Variants in CACNA2D3 observed in about 807,000 individuals in gnomAD.
The protein encoded by CACNA2D3 is voltage-dependent calcium channel subunit alpha-2/delta-3.
CACNA2D3 carries 60 observed loss-of-function variants against 160.6 expected under a neutral mutation model. The observed-to-expected ratio is 0.37, with a 90% confidence interval of 0.30 to 0.46. CACNA2D3 has a LOEUF of 0.46. Among genes scored for constraint, CACNA2D3 ranks in the 20% least tolerant of loss-of-function variants. CACNA2D3 has a pLI of 1.00. For missense variants in CACNA2D3, 1,205 were observed against 1,365.0 expected, an observed-to-expected ratio of 0.88 and a Z score of 1.85; for synonymous variants, 558 against 492.9, an observed-to-expected ratio of 1.13 and a Z score of -1.75.
At chr3:54,257,329 T>C (rs1702315830) in intron 2 of CACNA2D3, among the ~76,000 whole-genome samples, 1 of 152,244 alleles carries the variant, frequency 6.6e-6, no homozygotes, top group African/African-American at 2.4e-5. Context: ...CAACTTACTA[T>C]TGAGGCCAGG....
At chr3:54,723,647 G>A (rs748052847) in intron 11 of CACNA2D3, among the ~76,000 whole-genome samples, 17 of 152,156 alleles carry the variant, frequency 1.1e-4, no homozygotes, top group Admixed American at 2.0e-4. Context: ...AAAATTCTCT[G>A]ACGCCTTGCA....
At position 54,167,499 on chromosome 3, in the gene CACNA2D3, A is replaced by G. The variant is rs542215560; in HGVS notation, c.204+43905A>G. ...TAATGACTAAGCTCAGGTTTGGGAG[A>G]TAATGTGTCCAACTTGACCAGCTCC... On this transcript the variant is annotated intron_variant, in intron 2 of 37. Transcript: ENST00000474759. 9.0e-4 allele frequency among the ~76,000 whole-genome samples: 137 copies of G among 152,298 alleles called. 1 individual carries two copies. Among genetic ancestry groups the G allele is most frequent in the Non-Finnish European group, 7.9e-4 (54 of 68,032 alleles).
At chr3:54,871,018 G>A (rs561380125) in intron 17 of CACNA2D3, among the ~76,000 whole-genome samples, 11 of 147,986 alleles carry the variant, frequency 7.4e-5, no homozygotes, top group African/African-American at 2.5e-4. Flanking sequence ...CTCGTATCAC[G>A]GACTGAGTTT....
intron 2 of CACNA2D3, among the ~76,000 whole-genome samples, chr3:54,223,343 C>T (rs931001894): frequency 3.9e-5 from 6 of 151,932 alleles, no homozygotes; most frequent in East Asian, 1.9e-4. Context: ...AGTTGTAACA[C>T]GATGATAAGT....
intron 31 of CACNA2D3, among the ~76,000 whole-genome samples, chr3:54,994,294 G>T (rs572269490): frequency 2.0e-4 from 31 of 152,188 alleles, no homozygotes; most frequent in African/African-American, 7.5e-4. Flanking sequence ...GGAGAATTCT[G>T]TTATGTTTGG....
chr3:54,443,592 A>G (rs952435764), intron 4 of CACNA2D3, among the ~76,000 whole-genome samples: 10 of 152,110 alleles, frequency 6.6e-5, no homozygotes, highest in African/African-American at 2.4e-4. Context: ...ATGTCCACCA[A>G]GTGTTTTCCT....
intron 2 of CACNA2D3, among the ~76,000 whole-genome samples, chr3:54,164,854 A>G (rs1700420129): frequency 1.3e-5 from 2 of 152,290 alleles, no homozygotes; most frequent in Admixed American, 6.5e-5. Flanking sequence ...GGCCTTGATC[A>G]AGTTAGTTTC....
chr3:54,824,331 C>G (rs1703703437), intron 14 of CACNA2D3, among the ~76,000 whole-genome samples: 1 of 152,112 alleles, frequency 6.6e-6, no homozygotes, highest in African/African-American at 2.4e-5. Context: ...TGGAGGTCAC[C>G]CACCCAACAT....
chr3:54,947,175 C>T (rs902495600), intron 27 of CACNA2D3, among the ~76,000 whole-genome samples: 4 of 152,294 alleles, frequency 2.6e-5, no homozygotes, highest in Non-Finnish European at 5.9e-5. Context: ...AAAGACTGAG[C>T]AGAGGCGGGT....
chr3:55,012,339 G>A (rs17054699), intron 34 of CACNA2D3, among the ~76,000 whole-genome samples: 47,852 of 151,842 alleles, frequency 0.32, 8,382 homozygotes, highest in Non-Finnish European at 0.39. Flanking sequence ...TTATTTCTTA[G>A]GAGTTTGCAC....
intron 35 of CACNA2D3, among the ~76,000 whole-genome samples, chr3:55,060,772 G>GA (rs919694215): frequency 1.0e-4 from 15 of 148,030 alleles, no homozygotes; most frequent in Admixed American, 1.3e-4. Context: ...CTAGTACAAA[G>GA]AAAAAAAAAA....
chr3:54,300,670 T>C (rs550086549), intron 2 of CACNA2D3, among the ~76,000 whole-genome samples: 1 of 152,336 alleles, frequency 6.6e-6, no homozygotes, highest in African/African-American at 2.4e-5. Flanking sequence ...AATGTCATTG[T>C]CACCAATTCT....
intron 4 of CACNA2D3, among the ~76,000 whole-genome samples, chr3:54,489,705 C>G (rs1239107855): frequency 6.6e-6 from 1 of 152,122 alleles, no homozygotes; most frequent in African/African-American, 2.4e-5. Context: ...CAGTGGCCAG[C>G]GAGGCCTGCA....
At chr3:54,987,566 A>C in intron 30 of CACNA2D3, 117 bp from the exon 31 acceptor site, 1 of 607,062 alleles carries the variant, frequency 1.6e-6, no homozygotes, top group East Asian at 2.9e-5. Context: ...ACTTTCCTGA[A>C]AACCTGCCTT....
intron 13 of CACNA2D3, among the ~76,000 whole-genome samples, chr3:54,782,440 A>G (rs1702554197): frequency 6.6e-6 from 1 of 152,210 alleles, no homozygotes; most frequent in South Asian, 2.1e-4. Context: ...AATCATTATT[A>G]TGTAGAAATT....
intron 6 of CACNA2D3, among the ~76,000 whole-genome samples, chr3:54,566,967 C>G (rs1393831867): frequency 6.6e-6 from 1 of 152,202 alleles, no homozygotes; most frequent in Non-Finnish European, 1.5e-5. Context: ...GCCTTCCTCA[C>G]CAGGCTCAGG....
chr3:54,309,366 A>G (rs1703679173), intron 2 of CACNA2D3, among the ~76,000 whole-genome samples: 1 of 152,248 alleles, frequency 6.6e-6, no homozygotes, highest in Admixed American at 6.5e-5. Context: ...CCATAGAGCT[A>G]CAATTTATCA....
At chr3:54,292,437 G>T (rs1405790509) in intron 2 of CACNA2D3, among the ~76,000 whole-genome samples, 1 of 152,026 alleles carries the variant, frequency 6.6e-6, no homozygotes, top group African/African-American at 2.4e-5. Flanking sequence ...TCTGATAAAA[G>T]ACTTGTTTCT....
intron 3 of CACNA2D3, among the ~76,000 whole-genome samples, chr3:54,377,190 TC>T (rs1699026844): frequency 6.6e-6 from 1 of 152,204 alleles, no homozygotes. Context: ...GTCAAACCCT[TC>T]CATAAAGGCC....
Sources: allele counts gnomAD v4.1 joint callset (sites outside exome capture counted in the v4.1 genomes callset), GRCh38; gene constraint gnomAD v4.1.1; transcripts MANE v1.5; gene names NCBI Gene and HGNC (gene_info 2026-07-23, HGNC 2026-07-21).